The following NBEA variants were observed in gnomAD, a reference collection of about 807,000 sequenced individuals.
NBEA encodes the protein lysosomal-trafficking regulator 2.
A neutral mutation model predicts 343.4 loss-of-function variants in NBEA; 44 were observed. The ratio of observed to expected loss-of-function variants is 0.13; its 90% CI spans 0.10 to 0.16. The LOEUF is 0.16. Among genes scored for constraint, NBEA ranks in the 10% least tolerant of loss-of-function variants. The probability of loss-of-function intolerance (pLI) is 1.00; values close to 1 mark genes in which losing one functional copy is unlikely to be tolerated. For missense variants in NBEA, 2,555 were observed against 3,631.3 expected, an observed-to-expected ratio of 0.70 and a Z score of 7.62; for synonymous variants, 1,175 against 1,238.7, an observed-to-expected ratio of 0.95 and a Z score of 1.08.
In NBEA at chr13:35,284,195, A is replaced by T. The variant is rs1426082013; in HGVS notation, c.5777-6194A>T. Among the ~76,000 whole-genome samples, 8 of 152,328 alleles carry T rather than the reference A, an allele frequency of 5.3e-5. 1 individual carries two copies. Among genetic ancestry groups the T allele is most frequent in the African/African-American group, 1.9e-4 (8 of 41,592 alleles). The stretch of plus-strand genomic sequence containing the variant: ...AAATATTTACTATCAGGACCTTTAC[A>T]GAAAAAGTTTGCTGCCCCCTAATAT... On this transcript the variant is annotated intron_variant, in intron 34 of 58. Coordinates refer to ENST00000379939, the MANE Select transcript of NBEA (RefSeq NM_001385012.1).
At chr13:35,649,912 TGTA>T in intron 52 of NBEA, 65 bp downstream of exon 52, 1 of 1,193,378 alleles carries the variant, frequency 8.4e-7, no homozygotes, top group Non-Finnish European at 1.1e-6. Context: ...AGTAAAAAAG[TGTA>T]CTGGGACTGG....
At chr13:35,548,985 C>A (rs1043319725) in intron 41 of NBEA, among the ~76,000 whole-genome samples, 1 of 152,156 alleles carries the variant, frequency 6.6e-6, no homozygotes, top group African/African-American at 2.4e-5. Flanking sequence ...CTTAAACTAA[C>A]CATTTCCAGG....
intron 38 of NBEA, among the ~76,000 whole-genome samples, chr13:35,403,473 T>C (rs982548021): frequency 1.3e-5 from 2 of 152,082 alleles, no homozygotes; most frequent in Non-Finnish European, 2.9e-5. Context: ...TATCTGATCT[T>C]TGACAAACCT....
intron 49 of NBEA, among the ~76,000 whole-genome samples, chr13:35,630,842 C>A (rs1035484085): frequency 6.6e-6 from 1 of 152,116 alleles, no homozygotes; most frequent in Non-Finnish European, 1.5e-5. Flanking sequence ...TTAGGAAGAG[C>A]CTCTATCTCC....
intron 1 of NBEA, among the ~76,000 whole-genome samples, chr13:34,977,589 G>A (rs1208698842): frequency 6.6e-6 from 1 of 152,126 alleles, no homozygotes; most frequent in African/African-American, 2.4e-5. Flanking sequence ...GATTGCAGGT[G>A]TGAGCCACCA....
intron 34 of NBEA, among the ~76,000 whole-genome samples, chr13:35,248,950 G>A (rs2031599527): frequency 6.6e-6 from 1 of 152,030 alleles, no homozygotes; most frequent in African/African-American, 2.4e-5. Context: ...GGGAGTTCGA[G>A]ACCACCCTGA....
At chr13:35,501,503 T>C (rs1594818620) in intron 41 of NBEA, among the ~76,000 whole-genome samples, 1 of 152,142 alleles carries the variant, frequency 6.6e-6, no homozygotes, top group Non-Finnish European at 1.5e-5. Flanking sequence ...GCTGTAGTTT[T>C]ATAAAGTCTC....
chr13:35,117,614 C>A, intron 14 of NBEA, 121 bp downstream of exon 14: 1 of 374,222 alleles, frequency 2.7e-6, no homozygotes, highest in Non-Finnish European at 4.5e-6. Context: ...TTTCAAAATT[C>A]TCCACATCTT....
intron 1 of NBEA, among the ~76,000 whole-genome samples, chr13:35,014,512 C>T (rs2152536202): frequency 6.6e-6 from 1 of 152,246 alleles, no homozygotes; most frequent in Admixed American, 6.5e-5. Context: ...TTTTAAAGAT[C>T]TGGAAACTGG....
At chr13:35,632,631 C>T (rs2083503994) in intron 49 of NBEA, among the ~76,000 whole-genome samples, 1 of 151,930 alleles carries the variant, frequency 6.6e-6, no homozygotes, top group Non-Finnish European at 1.5e-5. Flanking sequence ...CTTTCAGAGA[C>T]AGTCTCACTC....
At chr13:35,249,666 A>G (rs1427729163) in intron 34 of NBEA, among the ~76,000 whole-genome samples, 2 of 152,022 alleles carry the variant, frequency 1.3e-5, no homozygotes, top group African/African-American at 4.8e-5. Flanking sequence ...ACAGTATGGC[A>G]TTTTGTCAGA....
intron 41 of NBEA, among the ~76,000 whole-genome samples, chr13:35,493,099 T>C (rs1039203543): frequency 1.3e-5 from 2 of 152,000 alleles, no homozygotes; most frequent in Non-Finnish European, 2.9e-5. Flanking sequence ...CTAAAAGTGA[T>C]TATAAGATTC....
chr13:35,510,519 G>T (rs867168586), intron 41 of NBEA, among the ~76,000 whole-genome samples: 1 of 152,098 alleles, frequency 6.6e-6, no homozygotes, highest in Non-Finnish European at 1.5e-5. Context: ...CACCTCGCTG[G>T]GATGTGTGAG....
At position 35,164,910 on chromosome 13, in the gene NBEA, A is replaced by G. The variant is rs1233532732; in HGVS notation, c.4233+401A>G. ...CTATATAAAACATTGAAATGTGTTA[A>G]TATAATACATTTTAAAGGCATTTAA... On this transcript the variant is annotated intron_variant, in intron 24 of 58. Transcript: ENST00000379939. 9.2e-5 allele frequency among the ~76,000 whole-genome samples: 14 copies of G among 152,312 alleles called. 1 individual carries two copies. The South Asian group carries it at 2.7e-3, about 29-fold the overall frequency.
At chr13:35,614,063 C>A (rs995539636) in intron 48 of NBEA, among the ~76,000 whole-genome samples, 1 of 152,164 alleles carries the variant, frequency 6.6e-6, no homozygotes, top group African/African-American at 2.4e-5. Flanking sequence ...AAGGTTATAT[C>A]TCACTGTGGC....
chr13:35,501,004 A>G (rs772150864), intron 41 of NBEA, among the ~76,000 whole-genome samples: 13 of 152,144 alleles, frequency 8.5e-5, no homozygotes, highest in Non-Finnish European at 1.6e-4. Flanking sequence ...GCTAATCAGC[A>G]GTTCCATGCG....
intron 36 of NBEA, among the ~76,000 whole-genome samples, chr13:35,333,108 A>G (rs2152850052): frequency 6.6e-6 from 1 of 152,254 alleles, no homozygotes; most frequent in East Asian, 1.9e-4. Flanking sequence ...AAAGCAAACC[A>G]TCATAGATAA....
intron 16 of NBEA, among the ~76,000 whole-genome samples, chr13:35,120,545 C>T (rs1001136741): frequency 1.3e-5 from 2 of 152,114 alleles, no homozygotes; most frequent in Non-Finnish European, 1.5e-5. Context: ...TAAAGGCTAA[C>T]AGTTGTATAT....
chr13:35,366,456 G>T (rs2041119601), intron 38 of NBEA, among the ~76,000 whole-genome samples: 1 of 150,950 alleles, frequency 6.6e-6, no homozygotes, highest in East Asian at 1.9e-4. Flanking sequence ...ATTATGACTG[G>T]ATTTTTAAAT....
Sources: allele counts gnomAD v4.1 joint callset (sites outside exome capture counted in the v4.1 genomes callset), GRCh38; gene constraint gnomAD v4.1.1; transcripts MANE v1.5; gene names NCBI Gene and HGNC (gene_info 2026-07-23, HGNC 2026-07-21).